The following CSTPP1 variants were observed in gnomAD, a reference collection of about 807,000 sequenced individuals.
The protein encoded by CSTPP1 is UPF0705 protein C11orf49.
At chr11:47,061,938 T>G in the CSTPP1 span, among the ~76,000 whole-genome samples, 1 of 152,024 alleles carries the variant, frequency 6.6e-6, no homozygotes, top group Non-Finnish European at 1.5e-5. Flanking sequence ...TTTTCAATGT[T>G]GGTTATTTGG....
the CSTPP1 span, among the ~76,000 whole-genome samples, chr11:47,153,292 C>T: frequency 3.3e-5 from 5 of 152,316 alleles, no homozygotes; most frequent in Admixed American, 6.5e-5. Flanking sequence ...TGGCCCTCAG[C>T]GGCACTGCTT....
At chr11:47,097,138 G>A in the CSTPP1 span, among the ~76,000 whole-genome samples, 1 of 136,380 alleles carries the variant, frequency 7.3e-6, no homozygotes, top group Non-Finnish European at 1.6e-5. Context: ...CGCCCCGTCC[G>A]GGAGGGAGGT....
the CSTPP1 span, among the ~76,000 whole-genome samples, chr11:47,014,374 A>AG: frequency 9.8e-6 from 1 of 101,848 alleles, no homozygotes; most frequent in East Asian, 2.2e-4. Context: ...AAAGAAAAAA[A>AG]GAAAGAAAAA....
chr11:47,046,660 C>T, the CSTPP1 span, among the ~76,000 whole-genome samples: 13 of 79,746 alleles, frequency 1.6e-4, no homozygotes, highest in African/African-American at 2.6e-4. Context: ...ATCTTCTTTT[C>T]TTTTTTTTTT....
the CSTPP1 span, chr11:46,987,103 G>C: frequency 9.5e-7 from 1 of 1,049,392 alleles, no homozygotes; most frequent in Non-Finnish European, 1.4e-6. Flanking sequence ...ATCAGACAGA[G>C]CCAACACCTG....
At chr11:46,956,756 C>G in the CSTPP1 span, among the ~76,000 whole-genome samples, 1 of 151,840 alleles carries the variant, frequency 6.6e-6, no homozygotes, top group Admixed American at 6.6e-5. Context: ...TATTTAATGA[C>G]TTTATATTAT....
At chr11:47,145,900 ATTATTTTATT>A in the CSTPP1 span, among the ~76,000 whole-genome samples, 75 of 151,316 alleles carry the variant, frequency 5.0e-4, 1 homozygote, top group African/African-American at 1.2e-3. Flanking sequence ...CTTTCCGTAA[ATTATTTTATT>A]TTATTTTATT....
At chr11:46,987,100 A>G in the CSTPP1 span, 2 of 1,011,642 alleles carry the variant, frequency 2.0e-6, no homozygotes, top group Non-Finnish European at 1.5e-6. Context: ...GTCATCAGAC[A>G]GAGCCAACAC....
chr11:46,955,996 C>T, the CSTPP1 span, among the ~76,000 whole-genome samples: 20 of 149,676 alleles, frequency 1.3e-4, no homozygotes, highest in Admixed American at 2.7e-4. Flanking sequence ...ACCCCCCCCC[C>T]CCCACCAAAA....
the CSTPP1 span, among the ~76,000 whole-genome samples, chr11:47,051,113 C>A: frequency 6.6e-6 from 1 of 152,078 alleles, no homozygotes; most frequent in African/African-American, 2.4e-5. Context: ...ATTTTTCCCC[C>A]CCTTTATATG....
At chr11:46,986,055 G>A in the CSTPP1 span, among the ~76,000 whole-genome samples, 7 of 152,288 alleles carry the variant, frequency 4.6e-5, no homozygotes, top group African/African-American at 7.2e-5. Flanking sequence ...ATAAATCTGC[G>A]TTTTAAACGG....
chr11:46,959,289 C>T, the CSTPP1 span, among the ~76,000 whole-genome samples: 7 of 150,752 alleles, frequency 4.6e-5, no homozygotes, highest in Non-Finnish European at 1.0e-4. Context: ...TTTTCATATA[C>T]AGACTTTTCT....
At chr11:46,987,573 G>T in the CSTPP1 span, 1 of 330,830 alleles carries the variant, frequency 3.0e-6, no homozygotes, top group Non-Finnish European at 5.6e-6. Flanking sequence ...TATTTCTGTA[G>T]GTTTCTCTTT....
chr11:47,136,892 G>A, the CSTPP1 span, among the ~76,000 whole-genome samples: 1 of 152,164 alleles, frequency 6.6e-6, no homozygotes, highest in African/African-American at 2.4e-5. Context: ...AAGCATCAGT[G>A]TATTTCTTCT....
the CSTPP1 span, among the ~76,000 whole-genome samples, chr11:47,042,345 G>GTTT: frequency 2.3e-5 from 3 of 131,902 alleles, no homozygotes; most frequent in African/African-American, 2.7e-5. Flanking sequence ...TTTGACTTCT[G>GTTT]TTTTTTTTTT....
chr11:47,020,569 G>A, the CSTPP1 span, among the ~76,000 whole-genome samples: 4 of 151,930 alleles, frequency 2.6e-5, no homozygotes, highest in Admixed American at 6.6e-5. Context: ...CTGTTCATTC[G>A]GCAATAATAG....
At chr11:47,103,670 C>CTTTTTTT in the CSTPP1 span, 2 of 50,424 alleles carry the variant, frequency 4.0e-5, no homozygotes, top group African/African-American at 6.2e-5. Flanking sequence ...ATAGAATGGC[C>CTTTTTTT]TTTTTTTTTT....
chr11:47,079,747 C>G, the CSTPP1 span, among the ~76,000 whole-genome samples: 2 of 152,154 alleles, frequency 1.3e-5, no homozygotes, highest in East Asian at 3.9e-4. Context: ...TCTTATATAT[C>G]TCATATATTT....
chr11:47,149,315 G>A, the CSTPP1 span, among the ~76,000 whole-genome samples: 5 of 152,322 alleles, frequency 3.3e-5, no homozygotes, highest in East Asian at 1.9e-4. Context: ...AAGCAGGGGC[G>A]GCCGGGCACC....
Sources: allele counts gnomAD v4.1 joint callset (sites outside exome capture counted in the v4.1 genomes callset), GRCh38; gene constraint gnomAD v4.1.1; transcripts MANE v1.5; gene names NCBI Gene and HGNC (gene_info 2026-07-23, HGNC 2026-07-21).